The following CNTN4 variants were observed in gnomAD, a reference collection of about 807,000 sequenced individuals.
CNTN4 encodes the protein contactin-4.
CNTN4 carries 77 observed loss-of-function variants against 122.5 expected under a neutral mutation model. The ratio of observed to expected loss-of-function variants is 0.63; its 90% CI spans 0.52 to 0.76. CNTN4 has a LOEUF of 0.76. Ranked by LOEUF, CNTN4 falls within the 30% of genes least tolerant of loss-of-function variation. The probability of loss-of-function intolerance (pLI) is 0.00; values close to 1 mark genes in which losing one functional copy is unlikely to be tolerated. For missense variants in CNTN4, 1,256 were observed against 1,259.1 expected (o/e 1.00, Z 0.04); for synonymous variants, 512 against 447.0 (o/e 1.15, Z -1.83).
intron 7 of CNTN4, 178 bp from the exon 8 acceptor site, chr3:2,866,574 A>C: frequency 8.2e-7 from 1 of 1,220,746 alleles, no homozygotes; most frequent in Non-Finnish European, 1.1e-6. Flanking sequence ...GACTGATAGT[A>C]GAAAGGCTGG....
intron 3 of CNTN4, among the ~76,000 whole-genome samples, chr3:2,453,538 T>A (rs1364802901): frequency 6.6e-6 from 1 of 152,138 alleles, no homozygotes; most frequent in African/African-American, 2.4e-5. Flanking sequence ...CATGAGGAAC[T>A]TGAGGCTCAG....
chr3:2,100,882 G>T (rs2031891993), intron 2 of CNTN4, among the ~76,000 whole-genome samples: 1 of 152,180 alleles, frequency 6.6e-6, no homozygotes, highest in East Asian at 1.9e-4. Context: ...ACCCTGGGAG[G>T]TAGCTGGCAA....
At chr3:2,198,475 T>G (rs929292941) in intron 2 of CNTN4, among the ~76,000 whole-genome samples, 2 of 152,186 alleles carry the variant, frequency 1.3e-5, no homozygotes, top group Non-Finnish European at 2.9e-5. Flanking sequence ...ATGACTTTAC[T>G]TATGGTTGTG....
At chr3:2,214,613 C>G (rs954963561) in intron 2 of CNTN4, among the ~76,000 whole-genome samples, 3 of 152,020 alleles carry the variant, frequency 2.0e-5, no homozygotes, top group Non-Finnish European at 4.4e-5. Context: ...ATACATCCTC[C>G]TAAAGTACAA....
At chr3:2,910,192 G>A (rs2094284904) in intron 12 of CNTN4, among the ~76,000 whole-genome samples, 1 of 152,162 alleles carries the variant, frequency 6.6e-6, no homozygotes, top group Non-Finnish European at 1.5e-5. Context: ...CAACTGAGGG[G>A]AGACATTGAA....
At chr3:2,495,528 T>C (rs1163749716) in intron 3 of CNTN4, among the ~76,000 whole-genome samples, 1 of 152,204 alleles carries the variant, frequency 6.6e-6, no homozygotes, top group East Asian at 1.9e-4. Context: ...AGGTTACCTG[T>C]CTGTGGCCTG....
intron 14 of CNTN4, among the ~76,000 whole-genome samples, chr3:3,010,989 T>C (rs1251075677): frequency 6.6e-6 from 1 of 152,162 alleles, no homozygotes; most frequent in African/African-American, 2.4e-5. Context: ...TACCCCATCC[T>C]CTCACGTTTA....
intron 13 of CNTN4, among the ~76,000 whole-genome samples, chr3:2,947,150 A>C (rs192102267): frequency 1.3e-5 from 2 of 152,308 alleles, no homozygotes; most frequent in East Asian, 1.9e-4. Context: ...TTGTTTTCGC[A>C]TTGTAGTTTT....
intron 3 of CNTN4, among the ~76,000 whole-genome samples, chr3:2,461,526 C>G (rs1344279870): frequency 1.3e-5 from 2 of 152,134 alleles, no homozygotes; most frequent in African/African-American, 4.8e-5. Context: ...GGCTCCCACC[C>G]ACGTGGTCTG....
chr3:2,771,470 A>G (rs2091097172), intron 6 of CNTN4, among the ~76,000 whole-genome samples: 1 of 152,174 alleles, frequency 6.6e-6, no homozygotes, highest in Admixed American at 6.5e-5. Context: ...TCTCACACAT[A>G]TCACTCCAAT....
At chr3:2,804,467 A>G (rs1559521535) in intron 6 of CNTN4, among the ~76,000 whole-genome samples, 1 of 152,174 alleles carries the variant, frequency 6.6e-6, no homozygotes, top group Non-Finnish European at 1.5e-5. Context: ...ATATAAAATT[A>G]CCCACTTTAG....
intron 2 of CNTN4, among the ~76,000 whole-genome samples, chr3:2,333,167 T>C (rs908443339): frequency 2.6e-5 from 4 of 152,218 alleles, no homozygotes; most frequent in African/African-American, 9.6e-5. Context: ...CCCACTGCTG[T>C]TCTCAATCCC....
At chr3:2,525,470 G>A (rs1016747114) in intron 3 of CNTN4, among the ~76,000 whole-genome samples, 3 of 152,056 alleles carry the variant, frequency 2.0e-5, no homozygotes, top group African/African-American at 4.8e-5. Context: ...TCTGTGAAAG[G>A]CATAGATGTA....
chr3:2,518,728 T>C (rs529292524), intron 3 of CNTN4, among the ~76,000 whole-genome samples: 12 of 152,276 alleles, frequency 7.9e-5, no homozygotes, highest in African/African-American at 2.9e-4. Flanking sequence ...AAAGTTTTGA[T>C]AAGCAATTTT....
At chr3:2,816,977 C>G (rs1402724691) in intron 6 of CNTN4, among the ~76,000 whole-genome samples, 1 of 152,056 alleles carries the variant, frequency 6.6e-6, no homozygotes, top group African/African-American at 2.4e-5. Context: ...TGACATAATA[C>G]CCATTTACAC....
At chr3:2,254,694 A>G (rs1481085486) in intron 2 of CNTN4, among the ~76,000 whole-genome samples, 1 of 152,180 alleles carries the variant, frequency 6.6e-6, no homozygotes, top group Non-Finnish European at 1.5e-5. Context: ...TCTTCTTTTG[A>G]GAAGTGTCTG....
At chr3:2,860,822 A>G (rs1415395057) in intron 7 of CNTN4, among the ~76,000 whole-genome samples, 1 of 152,262 alleles carries the variant, frequency 6.6e-6, no homozygotes, top group Non-Finnish European at 1.5e-5. Flanking sequence ...CTTTCATATG[A>G]CATGAGTGGT....
chr3:2,661,504 A>G (rs566453543), intron 4 of CNTN4, among the ~76,000 whole-genome samples: 44 of 145,080 alleles, frequency 3.0e-4, no homozygotes, highest in African/African-American at 1.1e-3. Flanking sequence ...GTGATCAAAT[A>G]ATTTTTGTTT....
intron 4 of CNTN4, among the ~76,000 whole-genome samples, chr3:2,598,163 T>C (rs2616592): frequency 0.17 from 25,285 of 152,118 alleles, 2,295 homozygotes; most frequent in Non-Finnish European, 0.2. Flanking sequence ...TTTAGTGACC[T>C]CCAGTATCAA....
Sources: gnomAD v4.1 joint callset for allele counts (sites outside exome capture counted in the v4.1 genomes callset) on GRCh38, gnomAD v4.1.1 for gene constraint, MANE v1.5 for transcripts, NCBI Gene and HGNC (gene_info 2026-07-23, HGNC 2026-07-21) for gene names.